BAG4: variants seen among roughly 807,000 people sequenced by gnomAD.
The protein encoded by BAG4 is BAG cochaperone 4.
Under a neutral mutation model 52.1 loss-of-function variants are expected in BAG4, and 28 were observed. That is an observed-to-expected ratio of 0.54 (90% CI 0.40 to 0.74). BAG4 has a LOEUF of 0.74. BAG4 is among the 30% of genes least tolerant of loss of function. BAG4 has a pLI of 0.00. For synonymous variants in BAG4, 208 were observed against 217.0 expected, an observed-to-expected ratio of 0.96 and a Z score of 0.37; for missense variants, 525 against 572.0, an observed-to-expected ratio of 0.92 and a Z score of 0.84.
intron 1 of BAG4, among the ~76,000 whole-genome samples, chr8:38,178,686 G>C (rs545208987): frequency 6.6e-6 from 1 of 152,314 alleles, no homozygotes; most frequent in South Asian, 2.1e-4. Flanking sequence ...ATCACACTAC[G>C]TGAGCTAAGT....
At chr8:38,207,990 T>G (rs1585667640) in intron 3 of BAG4, among the ~76,000 whole-genome samples, 1 of 152,078 alleles carries the variant, frequency 6.6e-6, no homozygotes, top group African/African-American at 2.4e-5. Flanking sequence ...TTTAGAGAGT[T>G]GCTGCTTGAA....
At chr8:38,194,006 G>A (rs1326191730) in intron 2 of BAG4, among the ~76,000 whole-genome samples, 1 of 152,194 alleles carries the variant, frequency 6.6e-6, no homozygotes, top group African/African-American at 2.4e-5. Context: ...CAAAGTGCTG[G>A]GATTATAGGC....
At chr8:38,177,892 C>T (rs1563277879) in intron 1 of BAG4, among the ~76,000 whole-genome samples, 2 of 152,084 alleles carry the variant, frequency 1.3e-5, no homozygotes. Context: ...TGGCAGCATA[C>T]CTCTCTGTTC....
chr8:38,192,007 A>G (rs1167641418), intron 1 of BAG4, among the ~76,000 whole-genome samples: 1 of 152,180 alleles, frequency 6.6e-6, no homozygotes, highest in African/African-American at 2.4e-5. Context: ...TTCTGCATCA[A>G]TGCCTGACAC....
rs869085692 is a variant in BAG4, at chr8:38,201,880, A to ATT, written c.379-5604_379-5603dup. The stretch of plus-strand genomic sequence containing the variant: ...TATATATATATATATATATATATAT[A>ATT]TTTTTTTTTTTTTTTTTTTTTTTTT... On this transcript the variant is annotated intron_variant, in intron 2 of 4. Transcript: ENST00000287322. The ATT allele has an allele frequency of 4.9e-3, 37 of 7,542 alleles. 2 individuals are homozygous for ATT. The highest frequency in any genetic ancestry group is 0.023 in the East Asian group (3 of 130). 0.5% of individuals were successfully genotyped at this position (7,542 alleles called of 1,614,324 possible). A position where few individuals can be genotyped will look rare whatever the true frequency, so the allele number is the denominator to read the frequency against.
intron 1 of BAG4, among the ~76,000 whole-genome samples, chr8:38,192,466 G>A (rs1218392330): frequency 1.3e-5 from 2 of 151,734 alleles, no homozygotes; most frequent in Non-Finnish European, 1.5e-5. Context: ...TTTAAGAGAC[G>A]GGGTCTCTCT....
intron 1 of BAG4, among the ~76,000 whole-genome samples, chr8:38,179,094 G>A (rs2130657848): frequency 6.6e-6 from 1 of 152,332 alleles, no homozygotes; most frequent in African/African-American, 2.4e-5. Flanking sequence ...TTTATAGTAT[G>A]TTGATTATAT....
chr8:38,176,892 G>T lies in BAG4; in HGVS notation c.23G>T (p.Gly8Val). 1.3e-6 allele frequency: 2 copies of T among 1,545,092 alleles called. No homozygotes were observed. Among genetic ancestry groups the T allele is most frequent in the African/African-American group, 1.4e-5 (1 of 73,000 alleles). ...CCCATGTCGGCCCTGAGGCGCTCGG[G>T]CTACGGCCCCAGTGACGGTCCGTCC... MSALRRS[G>V]YGPSDGPSYG... Residue 8 changes from glycine to valine, a missense_variant, in exon 1 of 5, where the codon GGC becomes GTC. By Grantham distance (109) the Gly-to-Val change is moderately radical. This residue lies in a region of BAG4 where 287 missense variants were observed against 266.1 expected (regional missense o/e 1.08). Coordinates refer to ENST00000287322, the MANE Select transcript of BAG4 (RefSeq NM_004874.4).
At chr8:38,190,234 T>C (rs1179299152) in intron 1 of BAG4, among the ~76,000 whole-genome samples, 7 of 152,214 alleles carry the variant, frequency 4.6e-5, no homozygotes, top group Non-Finnish European at 7.3e-5. Flanking sequence ...ATGTATTTAT[T>C]CTATTCTACA....
chr8:38,183,791 G>A (rs1278816249), intron 1 of BAG4, among the ~76,000 whole-genome samples: 1 of 151,926 alleles, frequency 6.6e-6, no homozygotes, highest in African/African-American at 2.4e-5. Flanking sequence ...CCTAAGTGCT[G>A]GGATTACAGG....
At chr8:38,180,860 A>T (rs900506716) in intron 1 of BAG4, among the ~76,000 whole-genome samples, 70 of 152,262 alleles carry the variant, frequency 4.6e-4, no homozygotes, top group African/African-American at 1.6e-3. Flanking sequence ...TTATATTTAG[A>T]TGATGTACTG....
At chr8:38,192,898 TC>T (rs1803499864) in intron 2 of BAG4, 103 bp downstream of exon 2, 2 of 830,306 alleles carry the variant, frequency 2.4e-6, no homozygotes, top group Non-Finnish European at 3.6e-6. Context: ...GTGTTTTTTT[TC>T]TTTGCTTTAA....
chr8:38,203,029 T>C (rs1349138065), intron 2 of BAG4: 3 of 152,078 alleles, frequency 2.0e-5, no homozygotes, highest in Admixed American at 6.6e-5. Context: ...TTCAAAGAAA[T>C]GAATCTGTTT....
chr8:38,208,037 C>T (rs1295804549), intron 3 of BAG4, among the ~76,000 whole-genome samples: 2 of 143,582 alleles, frequency 1.4e-5, no homozygotes, highest in African/African-American at 2.6e-5. Context: ...TTTTTTGTGG[C>T]GTGATCTTGG....
rs191770674 is a variant in BAG4 at position 38,182,068 on chromosome 8, A to T, written c.270+4929A>T. Among the ~76,000 whole-genome samples the T allele has an allele frequency of 5.5e-4, 83 of 152,228 alleles. No individual in the cohort carries two copies. In the Middle Eastern group the frequency reaches 0.024, roughly 44 times the overall value. ...TAGGTCATCTTACAGTAAGGGAAGT[A>T]GAATGGGATGCTCTGCAAAATTTAT... On this transcript the variant is annotated intron_variant, in intron 1 of 4. Coordinates refer to ENST00000287322, the MANE Select transcript of BAG4 (RefSeq NM_004874.4).
At chr8:38,177,207 G>C (rs1293164173) in intron 1 of BAG4, 68 bp downstream of exon 1, 3 of 1,581,946 alleles carry the variant, frequency 1.9e-6, no homozygotes, top group Non-Finnish European at 2.6e-6. Flanking sequence ...GTAAAGGATC[G>C]GGTTTCATAC....
chr8:38,185,606 A>T (rs1803352622), intron 1 of BAG4, among the ~76,000 whole-genome samples: 1 of 152,114 alleles, frequency 6.6e-6, no homozygotes, highest in South Asian at 2.1e-4. Context: ...CCCAGGCTGG[A>T]GTACAATGGC....
At chr8:38,180,338 C>A (rs1335357870) in intron 1 of BAG4, among the ~76,000 whole-genome samples, 1 of 151,820 alleles carries the variant, frequency 6.6e-6, no homozygotes, top group Admixed American at 6.6e-5. Context: ...GCCTGGTCAA[C>A]ATGGCGAAAC....
In BAG4 at chr8:38,212,596, C is replaced by T. The variant is rs904823786; in HGVS notation, c.*2103C>T. On this transcript the variant is annotated 3_prime_UTR_variant, in exon 5 of 5. Coordinates refer to ENST00000287322, the MANE Select transcript of BAG4 (RefSeq NM_004874.4). ...GTCCTTTTACTGTTCCAAGACCCAG[C>T]CTTGCATTTAGCTATCATGCCTACG... The T allele has an allele frequency of 6.6e-6, 1 of 152,138 alleles. No individual in the cohort carries two copies. The highest frequency in any genetic ancestry group is 2.4e-5 in the African/African-American group (1 of 41,438). The allele number at this position is 152,138 out of a possible 1,614,324, so 9.4% of individuals were successfully genotyped here. A position where few individuals can be genotyped will look rare whatever the true frequency, so the allele number is the denominator to read the frequency against.
Sources: allele counts gnomAD v4.1 joint callset (sites outside exome capture counted in the v4.1 genomes callset), GRCh38; gene constraint gnomAD v4.1.1; regional missense constraint gnomAD v4.1.1; transcripts MANE v1.5; gene names NCBI Gene and HGNC (gene_info 2026-07-23, HGNC 2026-07-21).